MTRF1: variants seen among roughly 807,000 people sequenced by gnomAD.
MTRF1 encodes mitochondrial translation release factor 1.
MTRF1 carries 51 observed loss-of-function variants against 62.9 expected under a neutral mutation model. The observed-to-expected ratio is 0.81, with a 90% CI of 0.65 to 1.02. The LOEUF (loss-of-function observed/expected upper bound fraction) is 1.02. Among genes scored for constraint, MTRF1 ranks in the 50% least tolerant of loss-of-function variants. MTRF1 has a pLI of 0.00. For synonymous variants in MTRF1, 158 were observed against 181.9 expected (o/e 0.87, Z 1.06); for missense variants, 446 against 530.0 (o/e 0.84, Z 1.56).
Position 41,246,814 on chromosome 13 carries a change from G to A in MTRF1, c.697+5831C>T, listed in dbSNP as rs1308546316. ...TACTTCATGTCATGTGCAAATACTT[G>A]AATATTATAAGAGAAGACTGTGACT... On this transcript the variant is annotated intron_variant, in intron 5 of 9. Coordinates refer to ENST00000379480, the MANE Select transcript of MTRF1 (RefSeq NM_004294.4). Among the ~76,000 whole-genome samples, 3 of 152,106 alleles carry A rather than the reference G, an allele frequency of 2.0e-5. No homozygotes were observed. The East Asian group carries it at 5.8e-4, about 29-fold the overall frequency.
intron 9 of MTRF1, among the ~76,000 whole-genome samples, chr13:41,218,446 T>G (rs941709739): frequency 6.6e-6 from 1 of 152,054 alleles, no homozygotes; most frequent in African/African-American, 2.4e-5. Context: ...AAACATTATG[T>G]AAACTTGAAA....
chr13:41,223,542 T>C (rs1381916388), intron 8 of MTRF1, among the ~76,000 whole-genome samples, 188 bp from the exon 9 acceptor site: 2 of 152,122 alleles, frequency 1.3e-5, no homozygotes, highest in Non-Finnish European at 2.9e-5. Context: ...AGCTCGGTTA[T>C]AGAATAAGAA....
At chr13:41,287,613 T>C in the MTRF1 span, 1 of 154,042 alleles carries the variant, frequency 6.5e-6, no homozygotes, top group African/African-American at 2.4e-5. Context: ...ACTGAGTGGT[T>C]CAAAACGGTT....
At chr13:41,247,625 A>T (rs1343475965) in intron 5 of MTRF1, among the ~76,000 whole-genome samples, 1 of 152,116 alleles carries the variant, frequency 6.6e-6, no homozygotes, top group African/African-American at 2.4e-5. Flanking sequence ...TGGTAGCACT[A>T]ATCTCCACAA....
the MTRF1 span, among the ~76,000 whole-genome samples, chr13:41,307,313 C>T: frequency 2.8e-4 from 42 of 152,232 alleles, no homozygotes; most frequent in African/African-American, 9.9e-4. Context: ...AGTGAGTTCT[C>T]ACGATCTAGT....
chr13:41,295,405 T>C, the MTRF1 span, among the ~76,000 whole-genome samples: 1 of 152,180 alleles, frequency 6.6e-6, no homozygotes, highest in Non-Finnish European at 1.5e-5. Flanking sequence ...CCATAATAAA[T>C]TGTACATCAT....
chr13:41,235,471 A>C (rs1258054577), intron 6 of MTRF1: 1 of 152,236 alleles, frequency 6.6e-6, no homozygotes, highest in Non-Finnish European at 1.5e-5. Flanking sequence ...ATTCTAATTC[A>C]TGGAACCTTA....
rs777337720 is a variant in MTRF1 at position 41,240,246 on chromosome 13, T to A, written c.870+15A>T. The A allele has an allele frequency of 1.0e-5, 16 of 1,589,660 alleles. No individual in the cohort carries two copies. In the East Asian group the frequency reaches 1.6e-4, roughly 16 times the overall value. On this transcript the variant is annotated intron_variant, in intron 6 of 9. Coordinates refer to ENST00000379480, the MANE Select transcript of MTRF1 (RefSeq NM_004294.4). Reference sequence around the variant, plus strand: ...TGACATGGAGTGAGTTTCCCTTGCCTCCTCCTGAGGTTACCTCATCTGGCT... The same window carrying A: ...TGACATGGAGTGAGTTTCCCTTGCCACCTCCTGAGGTTACCTCATCTGGCT...
At chr13:41,220,934 G>A (rs1001515144) in intron 9 of MTRF1, among the ~76,000 whole-genome samples, 1 of 152,094 alleles carries the variant, frequency 6.6e-6, no homozygotes, top group African/African-American at 2.4e-5. Context: ...TCCTGGGTCA[G>A]GATCACGATC....
Position 41,263,481 on chromosome 13 carries a change from G to A in MTRF1, c.-9+4C>T, listed in dbSNP as rs142958258. ...GGGGAAGATCAGGAAAGAACTGTGAGTACCTAAGAAAAAGAAGAATACACG... is the reference window on the plus strand; with the variant it reads ...GGGGAAGATCAGGAAAGAACTGTGAATACCTAAGAAAAAGAAGAATACACG... On this transcript the variant is annotated splice_donor_region_variant and intron_variant, in intron 1 of 9. Transcript: ENST00000379480. 2.6e-4 allele frequency: 81 copies of A among 312,592 alleles called. No individual in the cohort carries two copies. Among genetic ancestry groups the A allele is most frequent in the African/African-American group, 1.7e-3 (78 of 45,934 alleles). The allele number at this position is 312,592 out of a possible 1,614,324, so 19.4% of individuals were successfully genotyped here.
At chr13:41,252,005 G>A (rs577920164) in intron 5 of MTRF1, among the ~76,000 whole-genome samples, 2 of 151,806 alleles carry the variant, frequency 1.3e-5, no homozygotes, top group East Asian at 1.9e-4. Flanking sequence ...TCAGCCTCTC[G>A]AGTATTTGGG....
At chr13:41,270,914 T>A in the MTRF1 span, among the ~76,000 whole-genome samples, 1,475 of 152,040 alleles carry the variant, frequency 9.7e-3, 16 homozygotes, top group Admixed American at 0.017. Context: ...ATTTTTTGGA[T>A]TTTTAGTAGA....
At chr13:41,248,787 G>A (rs1023902426) in intron 5 of MTRF1, among the ~76,000 whole-genome samples, 1 of 152,152 alleles carries the variant, frequency 6.6e-6, no homozygotes, top group African/African-American at 2.4e-5. Context: ...TCGAGGGCTG[G>A]GGAGATAATG....
chr13:41,249,923 T>C (rs959425321), intron 5 of MTRF1, among the ~76,000 whole-genome samples: 3 of 152,036 alleles, frequency 2.0e-5, no homozygotes, highest in Non-Finnish European at 4.4e-5. Flanking sequence ...CCTTAGTCTT[T>C]AACTTTAAAG....
the MTRF1 span, among the ~76,000 whole-genome samples, chr13:41,286,114 CTG>C: frequency 8.7e-6 from 1 of 115,592 alleles, no homozygotes; most frequent in African/African-American, 3.0e-5. Context: ...AAAGGGAAAA[CTG>C]AAACTAGCAG....
chr13:41,219,494 T>C (rs1466275994), intron 9 of MTRF1, among the ~76,000 whole-genome samples: 1 of 151,996 alleles, frequency 6.6e-6, no homozygotes, highest in East Asian at 1.9e-4. Context: ...ACAGTCTAAG[T>C]AGAACAGCTA....
At chr13:41,223,096 C>T (rs908327813) in intron 9 of MTRF1, among the ~76,000 whole-genome samples, 160 bp downstream of exon 9, 3 of 152,066 alleles carry the variant, frequency 2.0e-5, no homozygotes, top group African/African-American at 7.2e-5. Context: ...TTTTAACCAG[C>T]AAACTAATAA....
upstream of MTRF1, among the ~76,000 whole-genome samples, chr13:41,267,939 CTT>C (rs1338449168): frequency 6.6e-6 from 1 of 151,470 alleles, no homozygotes; most frequent in Non-Finnish European, 1.5e-5. Flanking sequence ...TTATTTTAAT[CTT>C]ATTATTATTA....
chr13:41,257,346 G>A (rs569593056), intron 2 of MTRF1, among the ~76,000 whole-genome samples: 1 of 152,116 alleles, frequency 6.6e-6, no homozygotes, highest in Non-Finnish European at 1.5e-5. Context: ...GGAATTGATT[G>A]CAATCAGCTA....
Sources: gnomAD v4.1 joint callset for allele counts (sites outside exome capture counted in the v4.1 genomes callset) on GRCh38, gnomAD v4.1.1 for gene constraint, MANE v1.5 for transcripts, NCBI Gene and HGNC (gene_info 2026-07-23, HGNC 2026-07-21) for gene names.